EPHA6: variants seen among roughly 807,000 people sequenced by gnomAD.
EPHA6 encodes ephrin type-A receptor 6.
Under a neutral mutation model 112.0 loss-of-function variants are expected in EPHA6, and 50 were observed. That is an observed-to-expected ratio of 0.45 (90% CI 0.36 to 0.56). The LOEUF is 0.56. Among genes scored for constraint, EPHA6 ranks in the 20% least tolerant of loss-of-function variants. The pLI is 0.00. For missense variants in EPHA6, 1,280 were observed against 1,417.4 expected (o/e 0.90, Z 1.56); for synonymous variants, 529 against 490.7 (o/e 1.08, Z -1.03).
intron 2 of EPHA6, among the ~76,000 whole-genome samples, chr3:96,959,182 GTGTT>G (rs779669171): frequency 2.6e-5 from 4 of 152,036 alleles, no homozygotes; most frequent in Non-Finnish European, 5.9e-5. Context: ...TTATTGTCTG[GTGTT>G]TGTTTGTAGG....
chr3:97,553,030 T>C (rs1406601234), intron 11 of EPHA6, among the ~76,000 whole-genome samples: 2 of 152,132 alleles, frequency 1.3e-5, no homozygotes, highest in Admixed American at 6.6e-5. Flanking sequence ...AACTACCTCA[T>C]AATTGCTCAT....
intron 3 of EPHA6, among the ~76,000 whole-genome samples, chr3:97,096,541 C>T (rs948795171): frequency 6.6e-6 from 1 of 151,920 alleles, no homozygotes; most frequent in South Asian, 2.1e-4. Flanking sequence ...CTTTTCTAAA[C>T]CACTGAATGT....
intron 5 of EPHA6, among the ~76,000 whole-genome samples, chr3:97,317,189 T>C (rs766921362): frequency 4.0e-5 from 6 of 151,142 alleles, no homozygotes; most frequent in Non-Finnish European, 8.8e-5. Context: ...CTGTCAGCCC[T>C]GTTATGGTTT....
At chr3:96,953,106 CTA>C (rs2041618674) in intron 2 of EPHA6, among the ~76,000 whole-genome samples, 1 of 151,910 alleles carries the variant, frequency 6.6e-6, no homozygotes, top group Non-Finnish European at 1.5e-5. Context: ...TTTTTATAGC[CTA>C]TGTTTTTCTC....
rs554187054 is a variant in EPHA6 at position 97,673,566 on chromosome 3, G to T, written c.2784+35484G>T. On this transcript the variant is annotated intron_variant, in intron 14 of 17. Coordinates refer to ENST00000389672, the MANE Select transcript of EPHA6 (RefSeq NM_001080448.3). Reference sequence around the variant, plus strand: ...AAGAGGCCCAAAAGGGTAAGATGAGGCTATTAACTCTACTCTGAGTCATAT... The same window carrying T: ...AAGAGGCCCAAAAGGGTAAGATGAGTCTATTAACTCTACTCTGAGTCATAT... Among the ~76,000 whole-genome samples the T allele has an allele frequency of 1.3e-4, 20 of 152,256 alleles. No individual in the cohort carries two copies. In the South Asian group the frequency reaches 4.2e-3, roughly 32 times the overall value.
intron 3 of EPHA6, among the ~76,000 whole-genome samples, chr3:97,078,268 A>G (rs2046604235): frequency 6.6e-6 from 1 of 152,064 alleles, no homozygotes; most frequent in Non-Finnish European, 1.5e-5. Flanking sequence ...AAATTTGTTT[A>G]AGTTCTTTGC....
In EPHA6 at chr3:97,736,230, G is replaced by T. The variant is rs1174795301; in HGVS notation, c.3128+112G>T. On this transcript the variant is annotated intron_variant, in intron 16 of 17. Coordinates refer to ENST00000389672, the MANE Select transcript of EPHA6 (RefSeq NM_001080448.3). ...AAAATGCCTTGATAACCATCTAGTT[G>T]TTGACTTTGTGGAAACCATATTTCA... is the stretch of plus-strand genomic sequence containing the variant. 1.5e-5 allele frequency: 11 copies of T among 724,060 alleles called. No homozygotes were observed. In the African/African-American group the frequency reaches 1.6e-4, roughly 11 times the overall value. 44.9% of individuals were successfully genotyped at this position (724,060 alleles called of 1,614,324 possible). A position where few individuals can be genotyped will look rare whatever the true frequency, so the allele number is the denominator to read the frequency against.
intron 16 of EPHA6, among the ~76,000 whole-genome samples, chr3:97,746,143 T>TA (rs1285361890): frequency 6.6e-6 from 1 of 151,840 alleles, no homozygotes; most frequent in East Asian, 1.9e-4. Context: ...TTATAAAACT[T>TA]AAAAAACAAA....
chr3:97,079,996 C>T (rs1056497841), intron 3 of EPHA6, among the ~76,000 whole-genome samples: 4 of 151,354 alleles, frequency 2.6e-5, no homozygotes, highest in Non-Finnish European at 4.4e-5. Flanking sequence ...GTAGTGTAAA[C>T]ATAACGTTAA....
At chr3:96,881,777 T>G (rs1365720264) in intron 2 of EPHA6, among the ~76,000 whole-genome samples, 1 of 152,184 alleles carries the variant, frequency 6.6e-6, no homozygotes, top group African/African-American at 2.4e-5. Context: ...AATTACTTCC[T>G]GGGTACAGGC....
chr3:97,097,829 A>G (rs938388868), intron 3 of EPHA6, among the ~76,000 whole-genome samples: 1 of 151,920 alleles, frequency 6.6e-6, no homozygotes, highest in South Asian at 2.1e-4. Context: ...GTATGCAGCT[A>G]ATGTATCCAA....
intron 1 of EPHA6, among the ~76,000 whole-genome samples, chr3:96,854,394 G>T (rs1446837655): frequency 6.6e-6 from 1 of 151,460 alleles, no homozygotes; most frequent in East Asian, 1.9e-4. Context: ...TGGCCAGGAT[G>T]GTCTCAATCC....
rs148288858 is a variant in EPHA6 at position 97,515,426 on chromosome 3, A to C, written c.2201-16932A>C. Among the ~76,000 whole-genome samples, 995 of 152,352 alleles carry C rather than the reference A, an allele frequency of 6.5e-3. 12 individuals are homozygous for C. The highest frequency in any genetic ancestry group is 0.022 in the African/African-American group (915 of 41,576). ...AACTGAGATTCGAAGACATTGAGTA[A>C]GTTTCCCAGGGTCACAAAAATTTTT... On this transcript the variant is annotated intron_variant, in intron 10 of 17. Transcript: ENST00000389672.
At chr3:97,244,469 T>A in intron 5 of EPHA6, 182 bp downstream of exon 5, 1 of 583,518 alleles carries the variant, frequency 1.7e-6, no homozygotes, top group Non-Finnish European at 3.0e-6. Context: ...TTTATATTAC[T>A]TCTCAGCAGT....
intron 3 of EPHA6, among the ~76,000 whole-genome samples, chr3:97,218,619 GAC>G (rs2078101804): frequency 6.6e-6 from 1 of 152,122 alleles, no homozygotes; most frequent in African/African-American, 2.4e-5. Context: ...TCTCTCCCTT[GAC>G]ACATAGGGAT....
At chr3:97,498,781 G>A (rs1445676011) in intron 10 of EPHA6, among the ~76,000 whole-genome samples, 1 of 152,140 alleles carries the variant, frequency 6.6e-6, no homozygotes, top group Non-Finnish European at 1.5e-5. Context: ...AGGGACCTAG[G>A]TTGCGTGCTC....
chr3:97,166,561 A>G lies in EPHA6; in HGVS notation c.1115-59703A>G, dbSNP rs79799006. 2.5e-3 allele frequency among the ~76,000 whole-genome samples: 385 copies of G among 152,190 alleles called. 3 individuals are homozygous for G. Among genetic ancestry groups the G allele is most frequent in the African/African-American group, 9.0e-3 (372 of 41,544 alleles). ...ATCCATATTTATTCATATTTGGCAG[A>G]TATTTTAGCGTTTTTGAAGAATCTT... On this transcript the variant is annotated intron_variant, in intron 3 of 17. Coordinates refer to ENST00000389672, the MANE Select transcript of EPHA6 (RefSeq NM_001080448.3).
At chr3:97,152,340 G>T (rs1277068923) in intron 3 of EPHA6, among the ~76,000 whole-genome samples, 1 of 151,568 alleles carries the variant, frequency 6.6e-6, no homozygotes, top group African/African-American at 2.4e-5. Context: ...CAACAGCTCT[G>T]TTCCTTTAGC....
chr3:97,262,558 T>C (rs1413839988), intron 5 of EPHA6, among the ~76,000 whole-genome samples: 2 of 152,194 alleles, frequency 1.3e-5, no homozygotes, highest in Non-Finnish European at 2.9e-5. Context: ...TGGTGTTTTT[T>C]GCAGTTGCCC....
Sources: gnomAD v4.1 joint callset for allele counts (sites outside exome capture counted in the v4.1 genomes callset) on GRCh38, gnomAD v4.1.1 for gene constraint, MANE v1.5 for transcripts, NCBI Gene and HGNC (gene_info 2026-07-23, HGNC 2026-07-21) for gene names.